NKAIN3: variants seen among roughly 807,000 people sequenced by gnomAD.
The protein encoded by NKAIN3 is sodium/potassium transporting ATPase interacting 3.
In NKAIN3, 25 loss-of-function variants were observed where a neutral mutation model predicts 30.2. That is an observed-to-expected ratio of 0.83 (90% CI 0.60 to 1.16). The LOEUF is 1.16. Among genes scored for constraint, NKAIN3 ranks in the 50% most tolerant of loss-of-function variants. The pLI, the probability that NKAIN3 is intolerant of heterozygous loss-of-function variation, is 0.00. For missense variants in NKAIN3, 225 were observed against 254.1 expected (o/e 0.89, Z 0.78); for synonymous variants, 91 against 89.6 (o/e 1.02, Z -0.09).
intron 4 of NKAIN3, among the ~76,000 whole-genome samples, chr8:62,828,791 C>G (rs1819106039): frequency 6.6e-6 from 1 of 152,096 alleles, no homozygotes; most frequent in South Asian, 2.1e-4. Context: ...TGAGAAAGGC[C>G]AAGCAAGCAG....
intron 4 of NKAIN3, chr8:62,856,143 C>T: frequency 1.4e-6 from 1 of 725,450 alleles, no homozygotes; most frequent in East Asian, 2.5e-5. Context: ...CTGAGACTCC[C>T]ATAGATCTCA....
At chr8:62,290,803 A>T (rs111512087) in intron 1 of NKAIN3, among the ~76,000 whole-genome samples, 1,574 of 152,316 alleles carry the variant, frequency 0.01, 25 homozygotes, top group African/African-American at 0.034. Flanking sequence ...GAATAATTTC[A>T]GAAAGAATGG....
At chr8:62,731,611 T>C (rs1219906356) in intron 3 of NKAIN3, among the ~76,000 whole-genome samples, 2 of 152,134 alleles carry the variant, frequency 1.3e-5, no homozygotes, top group Non-Finnish European at 2.9e-5. Context: ...CCTAGGAAGT[T>C]AGCTCGGGCT....
At chr8:62,408,600 A>C (rs1285165610) in intron 1 of NKAIN3, among the ~76,000 whole-genome samples, 1 of 152,158 alleles carries the variant, frequency 6.6e-6, no homozygotes, top group East Asian at 1.9e-4. Context: ...TTTCTCACTT[A>C]GTGGTTTAGA....
At chr8:62,359,376 G>A (rs1430362391) in intron 1 of NKAIN3, among the ~76,000 whole-genome samples, 2 of 152,302 alleles carry the variant, frequency 1.3e-5, no homozygotes, top group South Asian at 2.1e-4. Context: ...TAACTGATAA[G>A]GAGCTATTGG....
intron 1 of NKAIN3, among the ~76,000 whole-genome samples, chr8:62,469,932 C>T (rs1008945273): frequency 6.6e-6 from 1 of 152,224 alleles, no homozygotes. Context: ...TAAACTACAA[C>T]AAAGTGTCTT....
At chr8:62,802,073 A>G (rs1201728315) in intron 4 of NKAIN3, among the ~76,000 whole-genome samples, 1 of 152,220 alleles carries the variant, frequency 6.6e-6, no homozygotes, top group Non-Finnish European at 1.5e-5. Context: ...TAGAGAAAAA[A>G]GAATAAAAGG....
At chr8:62,763,250 A>AC (rs1377788021) in intron 4 of NKAIN3, among the ~76,000 whole-genome samples, 1 of 140,974 alleles carries the variant, frequency 7.1e-6, no homozygotes, top group African/African-American at 2.7e-5. Context: ...AAAAAAAAAA[A>AC]AAAAAAAAAA....
chr8:62,756,425 A>T lies in NKAIN3; in HGVS notation c.471+9296A>T, dbSNP rs548764113. On this transcript the variant is annotated intron_variant, in intron 4 of 6. Transcript: ENST00000623646. ...ACTTCCTTTTTTATGGCTGAATAAT[A>T]TTCTATCATACATTTACTCTTAATA... 1.1e-4 allele frequency among the ~76,000 whole-genome samples: 17 copies of T among 152,252 alleles called. No individual in the cohort carries two copies. In the East Asian group the frequency reaches 3.3e-3, roughly 29 times the overall value.
At chr8:62,870,679 A>G (rs551049274) in intron 4 of NKAIN3, among the ~76,000 whole-genome samples, 3 of 132,450 alleles carry the variant, frequency 2.3e-5, no homozygotes, top group African/African-American at 9.2e-5. Flanking sequence ...ATATCTATAT[A>G]TCTATATCTC....
intron 4 of NKAIN3, among the ~76,000 whole-genome samples, chr8:62,905,129 A>T (rs1821738845): frequency 6.6e-6 from 1 of 152,228 alleles, no homozygotes; most frequent in African/African-American, 2.4e-5. Flanking sequence ...ATCAACTAAA[A>T]AAATCAAAGA....
rs1824081742 is a variant in NKAIN3 at position 62,981,637 on chromosome 8, CAAAAATGG to C, written c.*16231_*16238del. ...CCATTGCAGGTAGGAAAAAAAAAGA[CAAAAATGG>C]TATTCTCAGGTGAGCTTACCTTTCA... On this transcript the variant is annotated 3_prime_UTR_variant, in exon 7 of 7. Transcript: ENST00000623646. 1 of 150,632 alleles carries C rather than the reference CAAAAATGG, an allele frequency of 6.6e-6. No homozygotes were observed. Among genetic ancestry groups the C allele is most frequent in the African/African-American group, 2.4e-5 (1 of 40,984 alleles). 9.3% of individuals were successfully genotyped at this position (150,632 alleles called of 1,614,324 possible).
At chr8:62,789,053 T>A (rs1206116728) in intron 4 of NKAIN3, among the ~76,000 whole-genome samples, 2 of 152,102 alleles carry the variant, frequency 1.3e-5, no homozygotes, top group Non-Finnish European at 2.9e-5. Flanking sequence ...AAAGTAGTTT[T>A]TTCCAATTCT....
At chr8:62,277,258 A>G (rs1812993485) in intron 1 of NKAIN3, among the ~76,000 whole-genome samples, 1 of 152,146 alleles carries the variant, frequency 6.6e-6, no homozygotes, top group Admixed American at 6.6e-5. Flanking sequence ...ATTTTTTCCT[A>G]GGGTATTTTT....
intron 4 of NKAIN3, among the ~76,000 whole-genome samples, chr8:62,800,694 A>G (rs931180648): frequency 1.3e-5 from 2 of 152,220 alleles, no homozygotes; most frequent in African/African-American, 4.8e-5. Flanking sequence ...GTGACGCAGA[A>G]GACGGGTGAT....
chr8:62,803,814 T>C (rs545683822), intron 4 of NKAIN3, among the ~76,000 whole-genome samples: 5 of 152,272 alleles, frequency 3.3e-5, no homozygotes, highest in African/African-American at 9.6e-5. Flanking sequence ...AAAAAATTAA[T>C]GAATCCAGGA....
chr8:62,421,040 T>C (rs916286374), intron 1 of NKAIN3, among the ~76,000 whole-genome samples: 8 of 152,202 alleles, frequency 5.3e-5, no homozygotes, highest in African/African-American at 1.4e-4. Context: ...TTCTTAGGCA[T>C]GCAGCCTACC....
In NKAIN3 at chr8:62,968,488, A is replaced by G. The variant is rs966195371; in HGVS notation, c.*3081A>G. Among the ~76,000 whole-genome samples, 5 of 152,180 alleles carry G rather than the reference A, an allele frequency of 3.3e-5. No homozygotes were observed. The highest frequency in any genetic ancestry group is 6.5e-5 in the Admixed American group (1 of 15,276). On this transcript the variant is annotated 3_prime_UTR_variant, in exon 7 of 7. Coordinates refer to ENST00000623646, the MANE Select transcript of NKAIN3 (RefSeq NM_001304533.3). ...TGCAATTGTGTGTCTGGTCAGAGTA[A>G]GGGAAAATGAATGCATCCCTTAGCT...
intron 4 of NKAIN3, among the ~76,000 whole-genome samples, chr8:62,909,014 CT>C (rs1018233493): frequency 3.5e-4 from 53 of 152,152 alleles, no homozygotes; most frequent in African/African-American, 1.3e-3. Flanking sequence ...CCTGGAGGAC[CT>C]TTTTTAATCC....
Sources: gnomAD v4.1 joint callset for allele counts (sites outside exome capture counted in the v4.1 genomes callset) on GRCh38, gnomAD v4.1.1 for gene constraint, MANE v1.5 for transcripts, NCBI Gene and HGNC (gene_info 2026-07-23, HGNC 2026-07-21) for gene names.